GCSH: variants seen among roughly 807,000 people sequenced by gnomAD.
The protein encoded by GCSH is glycine cleavage system H protein, mitochondrial.
A neutral mutation model predicts 21.3 loss-of-function variants in GCSH; 15 were observed. The observed-to-expected ratio is 0.70, with a 90% CI of 0.47 to 1.08. The LOEUF (loss-of-function observed/expected upper bound fraction) is 1.08. Ranked by LOEUF, GCSH falls within the 50% of genes least tolerant of loss-of-function variation. The pLI, the probability that GCSH is intolerant of heterozygous loss-of-function variation, is 0.00. For synonymous variants in GCSH, 59 were observed against 84.5 expected (o/e 0.70, Z 1.66); for missense variants, 179 against 217.5 (o/e 0.82, Z 1.11).
At chr16:81,093,022 C>T (rs1233924569) in intron 1 of GCSH, among the ~76,000 whole-genome samples, 1 of 151,336 alleles carries the variant, frequency 6.6e-6, no homozygotes, top group Non-Finnish European at 1.5e-5. Context: ...ATCCTAGCTA[C>T]TTGGGAGGCT....
At position 81,088,214 on chromosome 16, in the gene GCSH, A is replaced by T. The variant is rs1342104141; in HGVS notation, c.229-550T>A. On this transcript the variant is annotated intron_variant, in intron 2 of 4. Coordinates refer to ENST00000315467, the MANE Select transcript of GCSH (RefSeq NM_004483.5). ...AGAGGTGGGAGGATAGCTTGAGCCCAGGAGTTTGAGACCTGCCTTGGCAAT... is the reference window on the plus strand; with the variant it reads ...AGAGGTGGGAGGATAGCTTGAGCCCTGGAGTTTGAGACCTGCCTTGGCAAT... Among the ~76,000 whole-genome samples, 3 of 152,182 alleles carry T rather than the reference A, an allele frequency of 2.0e-5. No homozygotes were observed. The East Asian group carries it at 5.8e-4, about 29-fold the overall frequency.
intron 4 of GCSH, chr16:81,083,661 GAA>G (rs1972214635): frequency 6.6e-6 from 1 of 152,650 alleles, no homozygotes; most frequent in Non-Finnish European, 1.5e-5. Context: ...AGACAAAAGA[GAA>G]CTACAACCTA....
chr16:81,094,779 C>CA (rs113294890), intron 1 of GCSH, among the ~76,000 whole-genome samples: 4,283 of 152,236 alleles, frequency 0.028, 214 homozygotes, highest in East Asian at 0.19. Context: ...GAGGAGCAGT[C>CA]AGTGTATCAA....
rs550752021 is a variant in GCSH, at chr16:81,090,159, C to T, written c.228+442G>A. On this transcript the variant is annotated intron_variant, in intron 2 of 4. Transcript: ENST00000315467. ...AGGCTAGAGTGTAGTGGTGCAATCT[C>T]GGCTTACTGCAACTTCTGCCTCCCA... Among the ~76,000 whole-genome samples, 5 of 151,158 alleles carry T rather than the reference C, an allele frequency of 3.3e-5. No individual in the cohort carries two copies. In the East Asian group the frequency reaches 9.7e-4, roughly 29 times the overall value.
chr16:81,088,603 T>C (rs1172540537), intron 2 of GCSH, among the ~76,000 whole-genome samples: 1 of 152,208 alleles, frequency 6.6e-6, no homozygotes, highest in African/African-American at 2.4e-5. Flanking sequence ...AGTTTCACCA[T>C]GTTGGCCAGC....
intron 3 of GCSH, among the ~76,000 whole-genome samples, chr16:81,085,147 T>C (rs575494660): frequency 2.6e-5 from 4 of 151,170 alleles, no homozygotes; most frequent in African/African-American, 9.7e-5. Flanking sequence ...CCCAAGTAGC[T>C]AGGATTACAG....
rs752431168 is a variant in GCSH at position 81,090,565 on chromosome 16, G to A, written c.228+36C>T. ...TAGAGATAAAGCAAATCATGCAAGA[G>A]CACACTGGGACAAATATTTCAATAT... is the stretch of plus-strand genomic sequence containing the variant. On this transcript the variant is annotated intron_variant, in intron 2 of 4. Coordinates refer to ENST00000315467, the MANE Select transcript of GCSH (RefSeq NM_004483.5). The A allele has an allele frequency of 9.7e-6, 13 of 1,338,946 alleles. No individual in the cohort carries two copies. The South Asian group carries it at 1.4e-4, about 14-fold the overall frequency. The allele number at this position is 1,338,946 out of a possible 1,614,324, so 82.9% of individuals were successfully genotyped here. A position where few individuals can be genotyped will look rare whatever the true frequency, so the allele number is the denominator to read the frequency against.
intron 3 of GCSH, among the ~76,000 whole-genome samples, chr16:81,085,684 C>G (rs1008825053): frequency 2.0e-4 from 31 of 152,088 alleles, no homozygotes; most frequent in African/African-American, 7.5e-4. Context: ...GCCTAGCCAA[C>G]ATGGTCTCTA....
intron 2 of GCSH, 73 bp downstream of exon 2, chr16:81,090,528 C>CT: frequency 1.9e-6 from 2 of 1,067,078 alleles, no homozygotes; most frequent in South Asian, 2.5e-5. Context: ...AGCCTAAACA[C>CT]TTTTAAAAAG....
At chr16:81,084,742 C>G (rs1303440334) in intron 3 of GCSH, 148 bp from the exon 4 acceptor site, 1 of 632,360 alleles carries the variant, frequency 1.6e-6, no homozygotes, top group Non-Finnish European at 2.7e-6. Flanking sequence ...TGGAGTCTCG[C>G]TCTGTTGCCC....
intron 1 of GCSH, chr16:81,091,280 C>T (rs1972392287): frequency 2.8e-6 from 1 of 355,526 alleles, no homozygotes; most frequent in Non-Finnish European, 5.4e-6. Context: ...AAATTCAAGC[C>T]TAACCTTGAA....
intron 1 of GCSH, 81 bp downstream of exon 1, chr16:81,096,050 G>C: frequency 8.8e-7 from 1 of 1,138,556 alleles, no homozygotes; most frequent in South Asian, 4.2e-5. Context: ...CGGTGCCCCG[G>C]CGTCCTCCGT....
chr16:81,090,478 T>A, intron 2 of GCSH, 123 bp downstream of exon 2: 1 of 737,536 alleles, frequency 1.4e-6, no homozygotes, highest in Non-Finnish European at 2.5e-6. Flanking sequence ...TGCCTCAGCC[T>A]CCCAAAGTGT....
intron 1 of GCSH, chr16:81,090,920 T>G: frequency 1.7e-6 from 1 of 581,284 alleles, no homozygotes; most frequent in Non-Finnish European, 3.1e-6. Flanking sequence ...TTTTGGAGAT[T>G]GGATTATCTG....
At chr16:81,095,664 A>C (rs544387706) in intron 1 of GCSH, among the ~76,000 whole-genome samples, 38 of 68,396 alleles carry the variant, frequency 5.6e-4, no homozygotes, top group African/African-American at 1.6e-3. Flanking sequence ...CTGGTGCTTT[A>C]ATTTTAATAA....
intron 1 of GCSH, 104 bp downstream of exon 1, chr16:81,096,027 G>C: frequency 1.0e-6 from 1 of 985,010 alleles, no homozygotes; most frequent in Non-Finnish European, 1.3e-6. Flanking sequence ...GCTCCGCCCC[G>C]GTGGCTCAGG....
intron 2 of GCSH, among the ~76,000 whole-genome samples, chr16:81,087,994 C>CA (rs1294090472): frequency 2.0e-5 from 3 of 152,112 alleles, no homozygotes; most frequent in African/African-American, 7.2e-5. Flanking sequence ...GGTGTGGTGG[C>CA]AGGCACTTGC....
chr16:81,095,199 C>G (rs1434204327), intron 1 of GCSH, among the ~76,000 whole-genome samples: 1 of 152,074 alleles, frequency 6.6e-6, no homozygotes, highest in African/African-American at 2.4e-5. Flanking sequence ...CCAGTTATTT[C>G]AAGTCCGTTT....
Position 81,084,307 on chromosome 16 carries a change from C to CAACT in GCSH, c.424+152_424+155dup, listed in dbSNP as rs1284188474. 5.6e-6 allele frequency: 4 copies of CAACT among 710,880 alleles called. No homozygotes were observed. In the African/African-American group the frequency reaches 7.1e-5, roughly 13 times the overall value. The allele number at this position is 710,880 out of a possible 1,614,324, so 44.0% of individuals were successfully genotyped here. A position where few individuals can be genotyped will look rare whatever the true frequency, so the allele number is the denominator to read the frequency against. ...AATCTTAAACATAACTTTAAGTATT[C>CAACT]AACTAACCTCTGTTTTTCTTTTAAA... On this transcript the variant is annotated intron_variant, in intron 4 of 4. Coordinates refer to ENST00000315467, the MANE Select transcript of GCSH (RefSeq NM_004483.5).
Sources: gnomAD v4.1 joint callset for allele counts (sites outside exome capture counted in the v4.1 genomes callset) on GRCh38, gnomAD v4.1.1 for gene constraint, MANE v1.5 for transcripts, NCBI Gene and HGNC (gene_info 2026-07-23, HGNC 2026-07-21) for gene names.